Variants in KCTD15 observed in about 807,000 individuals in gnomAD.
KCTD15 encodes the protein potassium channel tetramerization domain containing 15.
Under a neutral mutation model 27.2 loss-of-function variants are expected in KCTD15, and 11 were observed. The ratio of observed to expected loss-of-function variants is 0.41; its 90% confidence interval spans 0.25 to 0.67. The LOEUF is 0.67. Ranked by LOEUF, KCTD15 falls within the 30% of genes least tolerant of loss-of-function variation. The pLI, the probability that KCTD15 is intolerant of heterozygous loss-of-function variation, is 0.35. For synonymous variants in KCTD15, 163 were observed against 176.0 expected, an observed-to-expected ratio of 0.93 and a Z score of 0.58; for missense variants, 350 against 409.3, an observed-to-expected ratio of 0.86 and a Z score of 1.25.
At chr19:33,811,579 C>G (rs756958720) in intron 6 of KCTD15, 27 bp downstream of exon 6, 57 of 1,574,380 alleles carry the variant, frequency 3.6e-5, no homozygotes, top group Non-Finnish European at 4.3e-5. Flanking sequence ...GCCCCCTCCC[C>G]GCCGCACCCC....
At position 33,815,242 on chromosome 19, in the gene KCTD15, C is replaced by T. The variant is rs1976057832; in HGVS notation, c.*2294C>T. 6.6e-6 allele frequency: 1 copy of T among 151,868 alleles called. No individual in the cohort carries two copies. Among genetic ancestry groups the T allele is most frequent in the African/African-American group, 2.4e-5 (1 of 41,304 alleles). 9.4% of individuals were successfully genotyped at this position (151,868 alleles called of 1,614,324 possible). A position where few individuals can be genotyped will look rare whatever the true frequency, so the allele number is the denominator to read the frequency against. ...AGTAACTCTACCTGACTAAATGTTA[C>T]TCTAATTTATTTATTTCTTTACTAA... On this transcript the variant is annotated 3_prime_UTR_variant, in exon 7 of 7. Coordinates refer to ENST00000683859, the MANE Select transcript of KCTD15 (RefSeq NM_001129994.2).
rs569868420 is a variant in KCTD15 at position 33,814,292 on chromosome 19, C to T, written c.*1344C>T. ...GAAGCAGCAGCCAGACTCCCGCATT[C>T]GATGTTGTGCAGGGAGGTTTGGGGG... On this transcript the variant is annotated 3_prime_UTR_variant, in exon 7 of 7. Coordinates refer to ENST00000683859, the MANE Select transcript of KCTD15 (RefSeq NM_001129994.2). 6.6e-6 allele frequency: 1 copy of T among 152,516 alleles called. No homozygotes were observed. The highest frequency in any genetic ancestry group is 2.4e-5 in the African/African-American group (1 of 41,418). The allele number at this position is 152,516 out of a possible 1,614,324, so 9.4% of individuals were successfully genotyped here.
At chr19:33,807,497 G>T (rs370380797) in intron 5 of KCTD15, among the ~76,000 whole-genome samples, 5 of 152,226 alleles carry the variant, frequency 3.3e-5, no homozygotes, top group African/African-American at 1.2e-4. Context: ...GCCGAGGCGG[G>T]TGGATCACCA....
At position 33,800,439 on chromosome 19, in the gene KCTD15, A is replaced by T; in HGVS notation, c.-16A>T. ...GATGCCTCCCGCAGATACTCTGGGC[A>T]GGGATGGAAGCCTAGATGCCTCACC... On this transcript the variant is annotated 5_prime_UTR_variant, in exon 3 of 7. Transcript: ENST00000683859. The T allele has an allele frequency of 6.3e-7, 1 of 1,599,918 alleles. No homozygotes were observed. The highest frequency in any genetic ancestry group is 8.5e-7 in the Non-Finnish European group (1 of 1,174,394).
At chr19:33,797,382 G>C (rs1482584225) in intron 1 of KCTD15, 3 of 454,884 alleles carry the variant, frequency 6.6e-6, no homozygotes, top group African/African-American at 2.0e-5. Flanking sequence ...GGTCAGAAAC[G>C]GGCTCACGCA....
intron 4 of KCTD15, among the ~76,000 whole-genome samples, chr19:33,806,001 T>G (rs952409097): frequency 2.0e-5 from 3 of 152,206 alleles, no homozygotes; most frequent in Non-Finnish European, 2.9e-5. Flanking sequence ...CTGCCTTCTC[T>G]CCAGTCCCCA....
Position 33,812,093 on chromosome 19 carries a change from C to T in KCTD15, c.693+541C>T, listed in dbSNP as rs898208269. ...CAGACCCAAGAGCTTGGCACATTTC[C>T]GGGTTAGGGTGGAATGGGCTTTGCA... On this transcript the variant is annotated intron_variant, in intron 6 of 6. Coordinates refer to ENST00000683859, the MANE Select transcript of KCTD15 (RefSeq NM_001129994.2). 7.5e-6 allele frequency: 10 copies of T among 1,325,856 alleles called. No individual in the cohort carries two copies. The African/African-American group carries it at 9.0e-5, about 12-fold the overall frequency. The allele number at this position is 1,325,856 out of a possible 1,614,324, so 82.1% of individuals were successfully genotyped here.
intron 2 of KCTD15, among the ~76,000 whole-genome samples, chr19:33,799,912 C>T (rs1975472416): frequency 1.3e-5 from 2 of 152,146 alleles, no homozygotes; most frequent in Non-Finnish European, 2.9e-5. Flanking sequence ...AACGGCTTCC[C>T]TGTGTCTGGC....
intron 5 of KCTD15, among the ~76,000 whole-genome samples, chr19:33,809,957 G>A (rs1370404913): frequency 1.3e-5 from 2 of 152,228 alleles, no homozygotes; most frequent in Non-Finnish European, 1.5e-5. Flanking sequence ...CTTGCATGGG[G>A]CAGGAGAGGC....
chr19:33,795,041 A>T (rs1308777603), upstream of KCTD15, among the ~76,000 whole-genome samples: 1 of 152,216 alleles, frequency 6.6e-6, no homozygotes, highest in Non-Finnish European at 1.5e-5. Flanking sequence ...ACCTACTTCC[A>T]GGGCTTCTTT....
intron 5 of KCTD15, among the ~76,000 whole-genome samples, chr19:33,810,199 G>A (rs946583448): frequency 6.6e-6 from 1 of 152,194 alleles, no homozygotes; most frequent in African/African-American, 2.4e-5. Context: ...CATGGGGCCA[G>A]TATCAGCGCC....
At chr19:33,811,182 T>TCCCCCCCCCCCC in intron 5 of KCTD15, 65 bp from the exon 6 acceptor site, 1 of 234,466 alleles carries the variant, frequency 4.3e-6, no homozygotes. Flanking sequence ...CCGCCTCCCC[T>TCCCCCCCCCCCC]CTCCCCCTTC....
intron 5 of KCTD15, among the ~76,000 whole-genome samples, chr19:33,810,688 C>CA (rs66841311): frequency 0.026 from 3,366 of 131,386 alleles, 63 homozygotes; most frequent in Non-Finnish European, 0.04. Flanking sequence ...AAAAAAAAAA[C>CA]AAAAAAAAAC....
chr19:33,812,151 G>T, intron 6 of KCTD15: 1 of 1,204,472 alleles, frequency 8.3e-7, no homozygotes. Context: ...GCATTCCACA[G>T]CCTGTCGGTC....
chr19:33,809,174 G>T (rs1048944592), intron 5 of KCTD15, among the ~76,000 whole-genome samples: 1 of 151,998 alleles, frequency 6.6e-6, no homozygotes, highest in African/African-American at 2.4e-5. Context: ...CTACTCGGGA[G>T]ACTGAGACAG....
At position 33,813,592 on chromosome 19, in the gene KCTD15, G is replaced by T; in HGVS notation, c.*644G>T. ...GGAGAGTGGTGGGGGCCTGAGGGCTGAGTGATTCTGTAACCACCTGAGACC... is the reference window on the plus strand; with the variant it reads ...GGAGAGTGGTGGGGGCCTGAGGGCTTAGTGATTCTGTAACCACCTGAGACC... On this transcript the variant is annotated 3_prime_UTR_variant, in exon 7 of 7. Coordinates refer to ENST00000683859, the MANE Select transcript of KCTD15 (RefSeq NM_001129994.2). 2.9e-6 allele frequency: 1 copy of T among 339,874 alleles called. No individual in the cohort carries two copies. Among genetic ancestry groups the T allele is most frequent in the South Asian group, 2.2e-5 (1 of 45,368 alleles). The allele number at this position is 339,874 out of a possible 1,614,324, so 21.1% of individuals were successfully genotyped here.
upstream of KCTD15, among the ~76,000 whole-genome samples, chr19:33,795,444 C>G (rs1391070929): frequency 2.6e-5 from 4 of 152,060 alleles, no homozygotes; most frequent in Non-Finnish European, 4.4e-5. Flanking sequence ...GAGCGCCCCC[C>G]ACCCCGGGAG....
intron 5 of KCTD15, among the ~76,000 whole-genome samples, chr19:33,809,677 C>A (rs1198162180): frequency 6.6e-6 from 1 of 152,116 alleles, no homozygotes; most frequent in Admixed American, 6.5e-5. Flanking sequence ...TCCAGACCAG[C>A]CTGGACCTTG....
intron 4 of KCTD15, among the ~76,000 whole-genome samples, chr19:33,803,398 C>G (rs72623851): frequency 6.6e-6 from 1 of 152,240 alleles, no homozygotes; most frequent in Non-Finnish European, 1.5e-5. Context: ...TGTCACTGAT[C>G]TAGGAGACAC....
Sources: gnomAD v4.1 joint callset for allele counts (sites outside exome capture counted in the v4.1 genomes callset) on GRCh38, gnomAD v4.1.1 for gene constraint, MANE v1.5 for transcripts, NCBI Gene and HGNC (gene_info 2026-07-23, HGNC 2026-07-21) for gene names.